TENM2: variants seen among roughly 807,000 people sequenced by gnomAD.
TENM2 encodes teneurin transmembrane protein 2.
A neutral mutation model predicts 245.2 loss-of-function variants in TENM2; 52 were observed. The observed-to-expected ratio is 0.21, with a 90% CI of 0.17 to 0.27. The LOEUF (loss-of-function observed/expected upper bound fraction) is 0.27, where lower values mean the gene tolerates loss of function less well. Ranked by LOEUF, TENM2 falls within the 10% of genes least tolerant of loss-of-function variation. The pLI, the probability that TENM2 is intolerant of heterozygous loss-of-function variation, is 1.00. For synonymous variants in TENM2, 1,363 were observed against 1,438.9 expected (o/e 0.95, Z 1.19); for missense variants, 3,046 against 3,666.8 (o/e 0.83, Z 4.37).
At chr5:168,190,464 G>T (rs753326451) in exon 14 of TENM2, 2 of 1,613,890 alleles carry the variant, frequency 1.2e-6, no homozygotes, top group Non-Finnish European at 8.5e-7. Flanking sequence ...GGCCCGCAGT[G>T]AAGTCCTTCT....
At chr5:167,431,314 C>A (rs1027209290) in intron 2 of TENM2, among the ~76,000 whole-genome samples, 1 of 152,060 alleles carries the variant, frequency 6.6e-6, no homozygotes, top group Non-Finnish European at 1.5e-5. Context: ...TACAAAATGA[C>A]TTAGGTTAGT....
intron 9 of TENM2, among the ~76,000 whole-genome samples, chr5:168,103,912 C>T (rs768830441): frequency 6.6e-6 from 1 of 152,190 alleles, no homozygotes; most frequent in South Asian, 2.1e-4. Context: ...TAGCAAGTGC[C>T]GAGACAGGTG....
the TENM2 span, among the ~76,000 whole-genome samples, chr5:167,016,864 A>G: frequency 6.6e-6 from 1 of 152,228 alleles, no homozygotes; most frequent in African/African-American, 2.4e-5. Flanking sequence ...TGTGGTAGAA[A>G]GGGAGAAACT....
At chr5:167,419,645 C>T (rs998526581) in intron 2 of TENM2, among the ~76,000 whole-genome samples, 1 of 152,178 alleles carries the variant, frequency 6.6e-6, no homozygotes, top group Non-Finnish European at 1.5e-5. Context: ...CATCCCCTGA[C>T]TAACACTATG....
chr5:168,014,735 T>G (rs1012357507), intron 5 of TENM2, among the ~76,000 whole-genome samples: 53 of 152,144 alleles, frequency 3.5e-4, no homozygotes, highest in African/African-American at 1.2e-3. Context: ...AATGGAAGGA[T>G]TCCCAAACTG....
chr5:167,921,893 G>A (rs1316561958), intron 3 of TENM2, among the ~76,000 whole-genome samples: 2 of 152,168 alleles, frequency 1.3e-5, no homozygotes, highest in Admixed American at 6.5e-5. Flanking sequence ...GATGAAGGCT[G>A]AGAGGATTAT....
At chr5:167,752,148 A>T (rs1582913337) in intron 2 of TENM2, among the ~76,000 whole-genome samples, 1 of 151,706 alleles carries the variant, frequency 6.6e-6, no homozygotes, top group East Asian at 1.9e-4. Flanking sequence ...AGGCTGGAGT[A>T]CAGTGGTGCA....
intron 2 of TENM2, among the ~76,000 whole-genome samples, chr5:167,788,708 C>T (rs1382515239): frequency 2.0e-5 from 3 of 152,310 alleles, no homozygotes; most frequent in Non-Finnish European, 2.9e-5. Flanking sequence ...TAGTGTCTCT[C>T]ACGCTCACTA....
At chr5:167,715,827 G>A (rs923867554) in intron 2 of TENM2, among the ~76,000 whole-genome samples, 3 of 152,154 alleles carry the variant, frequency 2.0e-5, no homozygotes, top group Non-Finnish European at 4.4e-5. Context: ...TATTCCCACT[G>A]CATTCTACTA....
chr5:167,800,447 C>T (rs1330115936), intron 2 of TENM2, among the ~76,000 whole-genome samples: 2 of 152,202 alleles, frequency 1.3e-5, no homozygotes, highest in Non-Finnish European at 2.9e-5. Context: ...ATCCAGGTGA[C>T]TTGCTCAAGC....
chr5:168,185,396 A>C (rs1034294729), intron 13 of TENM2, among the ~76,000 whole-genome samples: 1 of 152,182 alleles, frequency 6.6e-6, no homozygotes, highest in Non-Finnish European at 1.5e-5. Context: ...CACTGCTCTG[A>C]GTACTGTACA....
chr5:168,215,349 TAACTAAGTCC>T (rs1163967521), intron 21 of TENM2, 77 bp downstream of exon 23: 1 of 1,190,306 alleles, frequency 8.4e-7, no homozygotes, highest in African/African-American at 1.5e-5. Flanking sequence ...CATCAGAACT[TAACTAAGTCC>T]AGCAGTCCAA....
intron 1 of TENM2, among the ~76,000 whole-genome samples, chr5:167,332,338 A>T (rs949083562): frequency 6.6e-6 from 1 of 151,852 alleles, no homozygotes; most frequent in East Asian, 1.9e-4. Context: ...TTTGTTCTAT[A>T]TTTGTATGGA....
the TENM2 span, among the ~76,000 whole-genome samples, chr5:166,984,482 G>GA: frequency 5.9e-5 from 9 of 151,570 alleles, no homozygotes; most frequent in African/African-American, 2.2e-4. Context: ...TGTCTATGTG[G>GA]AAAAAAAATG....
the TENM2 span, among the ~76,000 whole-genome samples, chr5:167,033,435 G>T: frequency 6.6e-6 from 1 of 152,138 alleles, no homozygotes; most frequent in African/African-American, 2.4e-5. Flanking sequence ...TGTGATTTGG[G>T]CTGTGTGCTG....
intron 4 of TENM2, among the ~76,000 whole-genome samples, chr5:167,990,794 G>A (rs554822689): frequency 2.6e-5 from 4 of 152,286 alleles, no homozygotes; most frequent in Non-Finnish European, 4.4e-5. Flanking sequence ...ATGATTGTCA[G>A]TCATATTGGG....
At chr5:167,558,075 G>A (rs143811132) in intron 2 of TENM2, among the ~76,000 whole-genome samples, 32 of 152,314 alleles carry the variant, frequency 2.1e-4, no homozygotes, top group African/African-American at 6.7e-4. Context: ...GAAACCTTCA[G>A]TGCTTTTTGG....
chr5:167,649,397 C>T (rs1305200450), intron 2 of TENM2, among the ~76,000 whole-genome samples: 1 of 152,146 alleles, frequency 6.6e-6, no homozygotes, highest in Non-Finnish European at 1.5e-5. Context: ...CAAGGCTACA[C>T]ACCTGACACC....
In TENM2 at chr5:167,662,940, C is replaced by T. The variant is rs73801320; in HGVS notation, c.503-213046C>T. 2.6e-3 allele frequency among the ~76,000 whole-genome samples: 390 copies of T among 152,274 alleles called. 3 individuals are homozygous for T. The highest frequency in any genetic ancestry group is 8.8e-3 in the African/African-American group (365 of 41,540). ...GCCCATTTTAGAACAGTGAACTTAA[C>T]ACAAGATGTTTTCATTTTCTATTCC... On this transcript the variant is annotated intron_variant, in intron 2 of 28. Transcript: ENST00000518659.
Sources: allele counts gnomAD v4.1 joint callset (sites outside exome capture counted in the v4.1 genomes callset), GRCh38; gene constraint gnomAD v4.1.1; transcripts MANE v1.5; gene names NCBI Gene and HGNC (gene_info 2026-07-23, HGNC 2026-07-21).